The following IL23R variants were observed in gnomAD, a reference collection of about 807,000 sequenced individuals.
The protein encoded by IL23R is interleukin-23 receptor.
IL23R carries 34 observed loss-of-function variants against 56.9 expected under a neutral mutation model. That is an observed-to-expected ratio of 0.60 (90% CI 0.45 to 0.80). The LOEUF (loss-of-function observed/expected upper bound fraction) is 0.80. Ranked by LOEUF, IL23R falls within the 30% of genes least tolerant of loss-of-function variation. The pLI, the probability that IL23R is intolerant of heterozygous loss-of-function variation, is 0.00. For synonymous variants in IL23R, 230 were observed against 249.2 expected (o/e 0.92, Z 0.73); for missense variants, 635 against 730.0 (o/e 0.87, Z 1.50).
chr1:67,186,283 C>T (rs758928220), intron 4 of IL23R, among the ~76,000 whole-genome samples: 17 of 152,196 alleles, frequency 1.1e-4, no homozygotes, highest in Non-Finnish European at 1.6e-4. Context: ...GGAAGGATCT[C>T]CTGAACTGCT....
chr1:67,240,250 A>G lies in IL23R; in HGVS notation c.1117A>G (p.Ile373Val). 6.2e-7 allele frequency: 1 copy of G among 1,613,084 alleles called. No individual in the cohort carries two copies. Among genetic ancestry groups the G allele is most frequent in the Non-Finnish European group, 8.5e-7 (1 of 1,179,214 alleles). The change falls in exon 9 of 11, where the codon ATT (isoleucine) becomes GTT (valine). Residue 373 changes from isoleucine (I) to valine (V), a missense_variant. Physicochemically the swap from Ile to Val is conservative, Grantham distance 29 (BLOSUM62 3). Coordinates refer to ENST00000347310, the MANE Select transcript of IL23R (RefSeq NM_144701.3). ...TGTTATGTTGTCAATTCTTTCTTTG[A>G]TTGGGATATTTAACAGATCATTCCG... ...FAVMLSILSLIGIFNRSFRTG... is the reference protein window; with the variant it reads ...FAVMLSILSLVGIFNRSFRTG...
upstream of IL23R, among the ~76,000 whole-genome samples, chr1:67,166,053 A>C (rs1646870762): frequency 6.6e-6 from 1 of 152,262 alleles, no homozygotes; most frequent in African/African-American, 2.4e-5. Context: ...TCAAATCATC[A>C]TGTTGTATAT....
At chr1:67,255,199 G>A (rs759374081) in intron 9 of IL23R, among the ~76,000 whole-genome samples, 2 of 152,238 alleles carry the variant, frequency 1.3e-5, no homozygotes, top group Middle Eastern at 3.4e-3. Flanking sequence ...TTTCCCACAT[G>A]GGAATCTTCT....
At chr1:67,178,506 A>G (rs940836528) in intron 3 of IL23R, among the ~76,000 whole-genome samples, 1 of 152,202 alleles carries the variant, frequency 6.6e-6, no homozygotes, top group Non-Finnish European at 1.5e-5. Context: ...TATCAGCTTA[A>G]GGAGATTTTG....
In IL23R at chr1:67,169,740, A is replaced by G. The variant is rs1646918858; in HGVS notation, c.367+102A>G. 19 of 1,135,868 alleles carry G rather than the reference A, an allele frequency of 1.7e-5. No homozygotes were observed. The South Asian group carries it at 2.4e-4, about 14-fold the overall frequency. The allele number at this position is 1,135,868 out of a possible 1,614,324, so 70.4% of individuals were successfully genotyped here. A position where few individuals can be genotyped will look rare whatever the true frequency, so the allele number is the denominator to read the frequency against. On this transcript the variant is annotated intron_variant, in intron 3 of 10. Transcript: ENST00000347310. The stretch of plus-strand genomic sequence containing the variant: ...AAATAGGGACAAAATAATATAGTTC[A>G]GTTTTTAGATTAGTTTCATACAGGA...
intron 4 of IL23R, among the ~76,000 whole-genome samples, chr1:67,187,563 T>C (rs1403867621): frequency 6.6e-6 from 1 of 152,224 alleles, no homozygotes; most frequent in African/African-American, 2.4e-5. Context: ...ACATTCACTT[T>C]ATAAAGTAAG....
chr1:67,247,146 T>G (rs1054820078), intron 9 of IL23R, among the ~76,000 whole-genome samples: 5 of 152,160 alleles, frequency 3.3e-5, no homozygotes, highest in African/African-American at 1.2e-4. Context: ...CCTGCTTTTT[T>G]TTTTCTTTCC....
At chr1:67,199,904 G>C (rs191850747) in intron 4 of IL23R, among the ~76,000 whole-genome samples, 1 of 152,216 alleles carries the variant, frequency 6.6e-6, no homozygotes, top group Non-Finnish European at 1.5e-5. Flanking sequence ...TCCAGGCACA[G>C]TGGCTCATGC....
chr1:67,244,623 G>C (rs988792058), intron 9 of IL23R, among the ~76,000 whole-genome samples: 6 of 152,086 alleles, frequency 3.9e-5, no homozygotes, highest in African/African-American at 1.4e-4. Context: ...GATGGTTGTA[G>C]ATGTGTGGTG....
intron 4 of IL23R, among the ~76,000 whole-genome samples, chr1:67,189,669 G>T (rs998104383): frequency 6.6e-6 from 1 of 152,188 alleles, no homozygotes; most frequent in Non-Finnish European, 1.5e-5. Context: ...AGAGGGCTGG[G>T]CGCAGTGGCT....
At chr1:67,249,138 T>C (rs1215968764) in intron 9 of IL23R, among the ~76,000 whole-genome samples, 2 of 152,222 alleles carry the variant, frequency 1.3e-5, no homozygotes, top group Non-Finnish European at 2.9e-5. Context: ...AGCATGCTGA[T>C]TTTTCACGCT....
chr1:67,222,341 T>A (rs1314200123), intron 7 of IL23R, among the ~76,000 whole-genome samples: 1 of 152,086 alleles, frequency 6.6e-6, no homozygotes, highest in Admixed American at 6.6e-5. Flanking sequence ...GGTCTCGAAC[T>A]CACGACCTCA....
chr1:67,235,583 A>G (rs879433093), intron 7 of IL23R, among the ~76,000 whole-genome samples: 5 of 151,960 alleles, frequency 3.3e-5, no homozygotes, highest in Non-Finnish European at 7.4e-5. Flanking sequence ...TAGTAGAAAC[A>G]GGGTTTCACC....
chr1:67,206,884 CTTTTT>C lies in IL23R; in HGVS notation c.653-9_653-5del, dbSNP rs557919248. 216 of 1,189,616 alleles carry C rather than the reference CTTTTT, an allele frequency of 1.8e-4. No individual in the cohort carries two copies. The East Asian group carries it at 2.1e-3, about 12-fold the overall frequency. 73.7% of individuals were successfully genotyped at this position (1,189,616 alleles called of 1,614,324 possible). ...CTAGGCAAGTTTTAAACAGCCAGGT[CTTTTT>C]TTTTTTTTTTTTTTTTCTAGTGATA... On this transcript the variant is annotated intron_variant, in intron 5 of 10. Coordinates refer to ENST00000347310, the MANE Select transcript of IL23R (RefSeq NM_144701.3).
At position 67,219,741 on chromosome 1, in the gene IL23R, T is replaced by G. The variant is rs766087472; in HGVS notation, c.955+11T>G. The G allele has an allele frequency of 1.2e-6, 2 of 1,609,886 alleles. No individual in the cohort carries two copies. Among genetic ancestry groups the G allele is most frequent in the South Asian group, 2.2e-5 (2 of 90,996 alleles). On this transcript the variant is annotated intron_variant, in intron 7 of 10. Transcript: ENST00000347310. ...AAACACCTGAAACAGGTGAGTGTAC[T>G]TATATATTTTATTCTGTTGGGCTTT...
At chr1:67,186,569 T>A (rs925045379) in intron 4 of IL23R, among the ~76,000 whole-genome samples, 3 of 152,206 alleles carry the variant, frequency 2.0e-5, no homozygotes, top group African/African-American at 7.2e-5. Flanking sequence ...GGACACTTCA[T>A]GTAAAAGGAA....
chr1:67,181,414 G>C (rs1182546435), intron 3 of IL23R, among the ~76,000 whole-genome samples: 1 of 152,116 alleles, frequency 6.6e-6, no homozygotes, highest in Non-Finnish European at 1.5e-5. Context: ...CTGTCTTCCA[G>C]TTGATCGAAT....
chr1:67,189,497 CA>C (rs1342804617), intron 4 of IL23R, among the ~76,000 whole-genome samples: 1 of 152,060 alleles, frequency 6.6e-6, no homozygotes, highest in Admixed American at 6.6e-5. Context: ...ACATTCTAAA[CA>C]GGACATAAAA....
In IL23R at chr1:67,172,856, A is replaced by G. The variant is rs1234051942; in HGVS notation, c.367+3218A>G. Among the ~76,000 whole-genome samples the G allele has an allele frequency of 5.3e-5, 8 of 152,202 alleles. No homozygotes were observed. In the East Asian group the frequency reaches 1.5e-3, roughly 29 times the overall value. ...AAGCATTGCATCTCTCTCCATTTTAATCCTTCATGTTATTATCTTAATCAA... is the reference window on the plus strand; with the variant it reads ...AAGCATTGCATCTCTCTCCATTTTAGTCCTTCATGTTATTATCTTAATCAA... On this transcript the variant is annotated intron_variant, in intron 3 of 10. Transcript: ENST00000347310.
Sources: gnomAD v4.1 joint callset for allele counts (sites outside exome capture counted in the v4.1 genomes callset) on GRCh38, gnomAD v4.1.1 for gene constraint, MANE v1.5 for transcripts, NCBI Gene and HGNC (gene_info 2026-07-23, HGNC 2026-07-21) for gene names.